The following MBD5 variants were observed in gnomAD, a reference collection of about 807,000 sequenced individuals.
MBD5 encodes methyl-CpG-binding domain protein 5.
In MBD5, 13 loss-of-function variants were observed where a neutral mutation model predicts 117.3. The observed-to-expected ratio is 0.11, with a 90% confidence interval of 0.07 to 0.18. The LOEUF (loss-of-function observed/expected upper bound fraction) is 0.18. MBD5 is among the 10% of genes least tolerant of loss of function. The pLI, the probability that MBD5 is intolerant of heterozygous loss-of-function variation, is 1.00. For synonymous variants in MBD5, 727 were observed against 766.4 expected (o/e 0.95, Z 0.85); for missense variants, 1,879 against 2,093.8 (o/e 0.90, Z 2.00).
intron 4 of MBD5, among the ~76,000 whole-genome samples, chr2:148,456,799 C>T (rs1470799327): frequency 6.6e-6 from 1 of 152,140 alleles, no homozygotes; most frequent in Non-Finnish European, 1.5e-5. Context: ...TCCATACCCA[C>T]AGTTCCCTGT....
At chr2:148,130,708 T>C (rs775315330) in intron 1 of MBD5, among the ~76,000 whole-genome samples, 5 of 152,270 alleles carry the variant, frequency 3.3e-5, no homozygotes, top group African/African-American at 4.8e-5. Context: ...GTGTTAAATA[T>C]GAGTCACCAA....
intron 3 of MBD5, among the ~76,000 whole-genome samples, chr2:148,335,207 A>G (rs1702756029): frequency 6.6e-6 from 1 of 151,998 alleles, no homozygotes; most frequent in Non-Finnish European, 1.5e-5. Context: ...TGGGCAACAA[A>G]GTGAGACCCC....
intron 1 of MBD5, chr2:148,062,099 T>C (rs1268001793): frequency 6.6e-6 from 1 of 151,790 alleles, no homozygotes; most frequent in Non-Finnish European, 1.5e-5. Context: ...TGTTTACATA[T>C]TAGATTGAAA....
At position 148,090,971 on chromosome 2, in the gene MBD5, A is replaced by C. The variant is rs1015908768; in HGVS notation, c.-925+69287A>C. Among the ~76,000 whole-genome samples, 40 of 152,280 alleles carry C rather than the reference A, an allele frequency of 2.6e-4. 1 individual carries two copies. Among genetic ancestry groups the C allele is most frequent in the African/African-American group, 9.4e-4 (39 of 41,574 alleles). On this transcript the variant is annotated intron_variant, in intron 1 of 13. Coordinates refer to ENST00000642680, the MANE Select transcript of MBD5 (RefSeq NM_001378120.1). ...AAAAGATATGATAAATGAATTCAGT[A>C]ATGTCTCAGGATTCAAAATCAATGT...
At chr2:148,417,808 G>GT (rs1033541363) in intron 4 of MBD5, among the ~76,000 whole-genome samples, 20 of 150,408 alleles carry the variant, frequency 1.3e-4, no homozygotes, top group South Asian at 6.4e-4. Flanking sequence ...AATGGGTTGG[G>GT]TTTTTTTTTG....
chr2:148,350,544 G>C (rs1316965918), intron 4 of MBD5, among the ~76,000 whole-genome samples: 5 of 151,936 alleles, frequency 3.3e-5, no homozygotes, highest in Non-Finnish European at 7.4e-5. Flanking sequence ...TTATAAGCCA[G>C]CTTTTACTGG....
intron 1 of MBD5, among the ~76,000 whole-genome samples, chr2:148,155,119 T>A (rs768683453): frequency 1.2e-4 from 18 of 152,188 alleles, no homozygotes; most frequent in Non-Finnish European, 2.1e-4. Flanking sequence ...ATTGACAAAT[T>A]CTTTGGAGAA....
intron 1 of MBD5, among the ~76,000 whole-genome samples, chr2:148,065,394 G>A (rs1246613141): frequency 6.6e-6 from 1 of 152,108 alleles, no homozygotes; most frequent in Non-Finnish European, 1.5e-5. Flanking sequence ...GTGAACCATA[G>A]GTTCAGTTAA....
chr2:148,256,733 A>C (rs1390466085), intron 3 of MBD5, among the ~76,000 whole-genome samples: 1 of 152,244 alleles, frequency 6.6e-6, no homozygotes, highest in South Asian at 2.1e-4. Context: ...ACCATGGCCT[A>C]TCGAGAATGG....
At position 148,490,125 on chromosome 2, in the gene MBD5, G is replaced by A; in HGVS notation, c.4493G>A (p.Arg1498Lys). The change falls in exon 11 of 14, where the codon AGG becomes AAG. Residue 1498 changes from arginine to lysine, a missense_variant. Coordinates refer to ENST00000642680, the MANE Select transcript of MBD5 (RefSeq NM_001378120.1). Reference sequence around the variant, plus strand: ...GATAAAATTCTAGAGGAAAATTTCAGGTATAATAACTACAAAAGAACTATG... The same window carrying A: ...GATAAAATTCTAGAGGAAAATTTCAAGTATAATAACTACAAAAGAACTATG... ...PGDKILEENF[R>K]YNNYKRTMMS... The A allele has an allele frequency of 6.2e-7, 1 of 1,613,854 alleles. No homozygotes were observed. The highest frequency in any genetic ancestry group is 8.5e-7 in the Non-Finnish European group (1 of 1,179,964).
At chr2:148,302,381 C>G (rs1701792482) in intron 3 of MBD5, among the ~76,000 whole-genome samples, 1 of 152,084 alleles carries the variant, frequency 6.6e-6, no homozygotes, top group Non-Finnish European at 1.5e-5. Context: ...CTTTCCCTCC[C>G]CATCAAAAAG....
chr2:148,228,534 T>C (rs530331142), intron 2 of MBD5, among the ~76,000 whole-genome samples: 29 of 152,340 alleles, frequency 1.9e-4, no homozygotes, highest in Non-Finnish European at 3.4e-4. Flanking sequence ...TGAGGATTTT[T>C]GCATCAATGT....
At chr2:148,179,363 A>T (rs1431181563) in intron 2 of MBD5, among the ~76,000 whole-genome samples, 1 of 152,052 alleles carries the variant, frequency 6.6e-6, no homozygotes, top group Non-Finnish European at 1.5e-5. Flanking sequence ...TCAAAAAAAA[A>T]AAAAAAAGTA....
chr2:148,444,650 T>C (rs1036509094), intron 4 of MBD5, among the ~76,000 whole-genome samples: 5 of 151,208 alleles, frequency 3.3e-5, no homozygotes, highest in Non-Finnish European at 7.4e-5. Context: ...ACTAACCTTT[T>C]CTTTGCCCAT....
At chr2:148,380,907 G>A (rs887568457) in intron 4 of MBD5, among the ~76,000 whole-genome samples, 9 of 152,174 alleles carry the variant, frequency 5.9e-5, no homozygotes, top group Admixed American at 1.3e-4. Flanking sequence ...GCAGCTGAGG[G>A]TCCTGACTGT....
intron 1 of MBD5, among the ~76,000 whole-genome samples, chr2:148,114,961 C>A (rs1437488020): frequency 1.3e-5 from 2 of 151,810 alleles, no homozygotes. Context: ...TAGATAACTA[C>A]TGAAGTTTGT....
At chr2:148,504,663 C>T (rs1021478434) in intron 12 of MBD5, among the ~76,000 whole-genome samples, 1 of 152,022 alleles carries the variant, frequency 6.6e-6, no homozygotes, top group Non-Finnish European at 1.5e-5. Context: ...ATTTTTGGGT[C>T]ACAGGGAAAA....
rs1574422656 is a variant in MBD5 at position 148,437,556 on chromosome 2, C to A, written c.-556-20647C>A. Among the ~76,000 whole-genome samples, 7 of 151,922 alleles carry A rather than the reference C, an allele frequency of 4.6e-5. No individual in the cohort carries two copies. The South Asian group carries it at 1.2e-3, about 27-fold the overall frequency. ...TCTGGAAAAAATAATTTTAAAAATT[C>A]TTTAAAGACTTTTATTTACACTTTG... is the stretch of plus-strand genomic sequence containing the variant. On this transcript the variant is annotated intron_variant, in intron 4 of 13. Coordinates refer to ENST00000642680, the MANE Select transcript of MBD5 (RefSeq NM_001378120.1).
intron 1 of MBD5, among the ~76,000 whole-genome samples, chr2:148,086,229 G>C (rs1270512750): frequency 6.6e-6 from 1 of 151,798 alleles, no homozygotes; most frequent in African/African-American, 2.4e-5. Context: ...AAACTTTACT[G>C]GCCCTGAGGA....
Sources: allele counts gnomAD v4.1 joint callset (sites outside exome capture counted in the v4.1 genomes callset), GRCh38; gene constraint gnomAD v4.1.1; transcripts MANE v1.5; gene names NCBI Gene and HGNC (gene_info 2026-07-23, HGNC 2026-07-21).